Variants in RGS6 observed in about 807,000 individuals in gnomAD.
The protein encoded by RGS6 is regulator of G protein signaling 6.
Under a neutral mutation model 78.5 loss-of-function variants are expected in RGS6, and 30 were observed. The observed-to-expected ratio is 0.38, with a 90% CI of 0.29 to 0.52. The LOEUF (loss-of-function observed/expected upper bound fraction) is 0.52, where lower values mean the gene tolerates loss of function less well. Among genes scored for constraint, RGS6 ranks in the 20% least tolerant of loss-of-function variants. The pLI is 0.85. For missense variants in RGS6, 495 were observed against 609.7 expected (o/e 0.81, Z 1.98); for synonymous variants, 206 against 206.0 (o/e 1.00, Z 0.00).
chr14:72,619,171 C>G, the RGS6 span: 2 of 954,500 alleles, frequency 2.1e-6, no homozygotes, highest in Non-Finnish European at 3.1e-6. Context: ...GTCCCTGCCC[C>G]TCTGGGACTA....
At chr14:71,926,803 T>C in the RGS6 span, among the ~76,000 whole-genome samples, 1 of 152,284 alleles carries the variant, frequency 6.6e-6, no homozygotes, top group African/African-American at 2.4e-5. Flanking sequence ...GGGTTACCTG[T>C]GGTCATATAT....
chr14:71,888,437 G>A, the RGS6 span, among the ~76,000 whole-genome samples: 2 of 150,154 alleles, frequency 1.3e-5, no homozygotes, highest in Non-Finnish European at 3.0e-5. Context: ...AAAAAAAGAA[G>A]AAGAAGAAGA....
At chr14:71,873,914 C>T in the RGS6 span, among the ~76,000 whole-genome samples, 1 of 152,148 alleles carries the variant, frequency 6.6e-6, no homozygotes, top group Admixed American at 6.6e-5. Flanking sequence ...TTCCCCATTT[C>T]TTCTTTTTGT....
chr14:72,458,252 C>G lies in RGS6; in HGVS notation c.236-19C>G, dbSNP rs2095685257. ...ACCTGCTTTCTAATTCCTTCTCTCT[C>G]TATGCACTGTTCTTACAGTTGAAGC... On this transcript the variant is annotated intron_variant, in intron 4 of 17. Coordinates refer to ENST00000553525, the MANE Select transcript of RGS6 (RefSeq NM_001204424.2). 2 of 1,586,006 alleles carry G rather than the reference C, an allele frequency of 1.3e-6. No homozygotes were observed. The highest frequency in any genetic ancestry group is 2.7e-5 in the African/African-American group (2 of 74,364).
intron 2 of RGS6, among the ~76,000 whole-genome samples, chr14:72,052,364 G>A (rs1482037101): frequency 6.6e-6 from 1 of 152,118 alleles, no homozygotes; most frequent in Non-Finnish European, 1.5e-5. Flanking sequence ...GTGGTAGCAG[G>A]TCCTTACTCT....
At chr14:72,513,622 G>A (rs773921645) in intron 14 of RGS6, among the ~76,000 whole-genome samples, 6 of 152,134 alleles carry the variant, frequency 3.9e-5, no homozygotes, top group East Asian at 1.9e-4. Context: ...AGGGAGCTCC[G>A]CTCAGTTTCT....
At chr14:72,617,239 T>C in the RGS6 span, among the ~76,000 whole-genome samples, 1 of 152,238 alleles carries the variant, frequency 6.6e-6, no homozygotes, top group African/African-American at 2.4e-5. Context: ...TCGGACTTGC[T>C]TTTTAAACTT....
intron 1 of RGS6, among the ~76,000 whole-genome samples, chr14:71,950,043 T>C (rs2092123890): frequency 6.6e-6 from 1 of 152,212 alleles, no homozygotes; most frequent in Admixed American, 6.5e-5. Flanking sequence ...ATAATATTGA[T>C]AACGCACTGT....
At chr14:72,011,702 C>G (rs563754542) in intron 2 of RGS6, among the ~76,000 whole-genome samples, 44 of 152,164 alleles carry the variant, frequency 2.9e-4, no homozygotes, top group African/African-American at 1.0e-3. Flanking sequence ...AGGAGGGTGG[C>G]ATAGGTTATA....
the RGS6 span, among the ~76,000 whole-genome samples, chr14:72,603,435 C>T: frequency 6.6e-6 from 1 of 152,228 alleles, no homozygotes; most frequent in African/African-American, 2.4e-5. Context: ...GAGAAATATC[C>T]ATGCCTATGA....
chr14:72,580,007 C>T, the RGS6 span, among the ~76,000 whole-genome samples: 1 of 152,324 alleles, frequency 6.6e-6, no homozygotes, highest in East Asian at 1.9e-4. Context: ...TCAGCTAAGG[C>T]ACAAATGAGG....
intron 3 of RGS6, among the ~76,000 whole-genome samples, chr14:72,394,736 A>G (rs138782509): frequency 1.3e-5 from 2 of 152,168 alleles, no homozygotes; most frequent in Non-Finnish European, 2.9e-5. Context: ...AGTTAACGCA[A>G]TCATTACAGG....
Position 72,005,458 on chromosome 14 carries a change from T to TA in RGS6, c.84+40584dup, listed in dbSNP as rs1567002333. 5.3e-5 allele frequency among the ~76,000 whole-genome samples: 8 copies of TA among 151,424 alleles called. No individual in the cohort carries two copies. The East Asian group carries it at 7.8e-4, about 15-fold the overall frequency. On this transcript the variant is annotated intron_variant, in intron 2 of 17. Transcript: ENST00000553525. ...GCATATCTCTATCTATCTATCTATC[T>TA]ATCTATCTATATCTCCCTATTCATT...
At chr14:72,375,701 C>T (rs763592891) in intron 3 of RGS6, among the ~76,000 whole-genome samples, 14 of 152,258 alleles carry the variant, frequency 9.2e-5, no homozygotes, top group South Asian at 8.3e-4. Flanking sequence ...AAAGTTGCAC[C>T]GCTACCAGCA....
intron 17 of RGS6, chr14:72,552,808 G>A (rs1400782498): frequency 6.6e-6 from 1 of 152,190 alleles, no homozygotes; most frequent in African/African-American, 2.4e-5. Flanking sequence ...AAACAGAAGT[G>A]GAGAAGTTGT....
intron 2 of RGS6, among the ~76,000 whole-genome samples, chr14:72,191,445 T>A (rs936399570): frequency 6.6e-6 from 1 of 152,156 alleles, no homozygotes; most frequent in Admixed American, 6.5e-5. Context: ...TACCCCAGAT[T>A]GGGTAATTTA....
chr14:72,152,225 AG>A (rs2096701780), intron 2 of RGS6, among the ~76,000 whole-genome samples: 1 of 110,570 alleles, frequency 9.0e-6, no homozygotes, highest in African/African-American at 3.6e-5. Context: ...GCTGCATGAG[AG>A]AGAGAGAGAG....
chr14:72,495,212 A>G lies in RGS6; in HGVS notation c.915A>G (p.Pro305=). The change falls in exon 13 of 18, where the codon CCA becomes CCG. Residue 305 remains proline (P), a synonymous_variant. Transcript: ENST00000553525. ...EYDPLITPAE[P]SNPWISDDVA... ...ACCCTTTGATAACACCAGCTGAGCC[A>G]TCCAACCCTTGGATCAGCGATGACG... 6.2e-7 allele frequency: 1 copy of G among 1,613,860 alleles called. No individual in the cohort carries two copies. The highest frequency in any genetic ancestry group is 8.5e-7 in the Non-Finnish European group (1 of 1,179,754).
the RGS6 span, among the ~76,000 whole-genome samples, chr14:71,867,566 G>A: frequency 6.6e-6 from 1 of 152,138 alleles, no homozygotes; most frequent in Non-Finnish European, 1.5e-5. Context: ...CAAGACAAGT[G>A]GAAGGAGCTG....
Sources: gnomAD v4.1 joint callset for allele counts (sites outside exome capture counted in the v4.1 genomes callset) on GRCh38, gnomAD v4.1.1 for gene constraint, MANE v1.5 for transcripts, NCBI Gene and HGNC (gene_info 2026-07-23, HGNC 2026-07-21) for gene names.